The following SPSB1 variants were observed in gnomAD, a reference collection of about 807,000 sequenced individuals.
The protein encoded by SPSB1 is SPRY domain-containing SOCS box protein 1.
SPSB1 carries 8 observed loss-of-function variants against 21.2 expected under a neutral mutation model. The ratio of observed to expected loss-of-function variants is 0.38; its 90% CI spans 0.22 to 0.68. The LOEUF is 0.68. Among genes scored for constraint, SPSB1 ranks in the 30% least tolerant of loss-of-function variants. SPSB1 has a pLI of 0.53. For missense variants in SPSB1, 242 were observed against 377.8 expected (o/e 0.64, Z 2.98); for synonymous variants, 169 against 161.7 (o/e 1.05, Z -0.34).
intron 1 of SPSB1, among the ~76,000 whole-genome samples, chr1:9,316,406 A>G (rs1438069827): frequency 1.3e-5 from 2 of 152,156 alleles, no homozygotes; most frequent in Admixed American, 6.5e-5. Flanking sequence ...ATGTGTGTGC[A>G]TATGTGCTTG....
chr1:9,317,310 G>A lies in SPSB1; in HGVS notation c.-150+24239G>A, dbSNP rs1457279620. On this transcript the variant is annotated intron_variant, in intron 1 of 2. Transcript: ENST00000328089. The surrounding 1 kb of genome is among the most constrained non-coding windows in gnomAD (Gnocchi z 4.3). ...GAATAAATGTCACTGGCGGAAGGTG[G>A]CATGTGTGTGCAAAACCACTGGGAG... Among the ~76,000 whole-genome samples the A allele has an allele frequency of 1.3e-5, 2 of 152,148 alleles. No individual in the cohort carries two copies. The highest frequency in any genetic ancestry group is 2.4e-5 in the African/African-American group (1 of 41,436).
intron 1 of SPSB1, among the ~76,000 whole-genome samples, chr1:9,347,160 GAAAA>G (rs1010324468): frequency 6.6e-6 from 1 of 151,704 alleles, no homozygotes; most frequent in African/African-American, 2.4e-5. Context: ...CTCTTTAAAA[GAAAA>G]AAAAGCGTTT....
chr1:9,334,131 G>A (rs1244184314), intron 1 of SPSB1, among the ~76,000 whole-genome samples: 2 of 152,144 alleles, frequency 1.3e-5, no homozygotes, highest in African/African-American at 4.8e-5. Context: ...TGTTGCCCAG[G>A]CTGGAGTGCG....
chr1:9,334,891 CT>C lies in SPSB1; in HGVS notation c.-149-20851del, dbSNP rs1320429975. On this transcript the variant is annotated intron_variant, in intron 1 of 2. Coordinates refer to ENST00000328089, the MANE Select transcript of SPSB1 (RefSeq NM_025106.4). ...ATCAAAATGTCCTTCCGTGTTAAGG[CT>C]GAGTAATATTTCATCGTGGGGATGG... Among the ~76,000 whole-genome samples the C allele has an allele frequency of 3.3e-5, 5 of 152,358 alleles. No individual in the cohort carries two copies. In the East Asian group the frequency reaches 9.6e-4, roughly 29 times the overall value.
chr1:9,302,479 C>T (rs1639350925), intron 1 of SPSB1, among the ~76,000 whole-genome samples: 1 of 152,188 alleles, frequency 6.6e-6, no homozygotes, highest in Non-Finnish European at 1.5e-5. Flanking sequence ...TGTGGGCAGG[C>T]ACCATCCAGT....
At chr1:9,327,338 T>C (rs537908162) in intron 1 of SPSB1, among the ~76,000 whole-genome samples, 32 of 152,372 alleles carry the variant, frequency 2.1e-4, no homozygotes, top group African/African-American at 7.5e-4. Flanking sequence ...TGCATGGATA[T>C]GTATGTCTTT....
chr1:9,341,219 G>A (rs1640086442), intron 1 of SPSB1, among the ~76,000 whole-genome samples: 1 of 152,236 alleles, frequency 6.6e-6, no homozygotes, highest in South Asian at 2.1e-4. Context: ...CCTCAGAACA[G>A]AGAGGCACGG....
chr1:9,316,834 C>T (rs78152139), intron 1 of SPSB1, among the ~76,000 whole-genome samples: 5,068 of 152,272 alleles, frequency 0.033, 113 homozygotes, highest in Non-Finnish European at 0.047. Flanking sequence ...CTCGGTTCTC[C>T]CTGCTCCTAT....
intron 2 of SPSB1, among the ~76,000 whole-genome samples, chr1:9,365,371 C>T (rs554246674): frequency 1.3e-5 from 2 of 152,308 alleles, no homozygotes; most frequent in East Asian, 3.9e-4. Flanking sequence ...CTGTCCTTGG[C>T]CTCCCAAAGT....
chr1:9,356,169 A>G lies in SPSB1; in HGVS notation c.278A>G (p.Tyr93Cys). The G allele has an allele frequency of 6.3e-7, 1 of 1,585,600 alleles. No individual in the cohort carries two copies. Among genetic ancestry groups the G allele is most frequent in the East Asian group, 2.2e-5 (1 of 44,582 alleles). The change falls in exon 2 of 3, where the codon TAT (tyrosine) becomes TGT (cysteine). Residue 93 changes from tyrosine (Y) to cysteine (C), a missense_variant. Tyr to Cys is a radical substitution (Grantham distance 194). Transcript: ENST00000328089. This position sits in a 1 kb window ranked among gnomAD's most constrained non-coding sequence, Gnocchi z 7.4. ...STDAIRGKVG[Y>C]TRGLHVWQIT... Reference sequence around the variant, plus strand: ...GACGCTATCAGGGGCAAAGTCGGGTATACCCGTGGGCTGCACGTGTGGCAG... The same window carrying G: ...GACGCTATCAGGGGCAAAGTCGGGTGTACCCGTGGGCTGCACGTGTGGCAG...
At position 9,345,762 on chromosome 1, in the gene SPSB1, A is replaced by T. The variant is rs929076908; in HGVS notation, c.-149-9981A>T. On this transcript the variant is annotated intron_variant, in intron 1 of 2. Transcript: ENST00000328089. This position sits in a 1 kb window ranked among gnomAD's most constrained non-coding sequence, Gnocchi z 4.8. ...TTGAGGTCAGGGACTAGAGCTCTGG[A>T]CCGTGTGGGATTTTCTCTCCAAAAT... Among the ~76,000 whole-genome samples the T allele has an allele frequency of 4.6e-5, 7 of 152,100 alleles. No homozygotes were observed. Among genetic ancestry groups the T allele is most frequent in the Admixed American group, 3.9e-4 (6 of 15,276 alleles).
intron 1 of SPSB1, among the ~76,000 whole-genome samples, chr1:9,342,093 C>CT (rs1640100714): frequency 6.6e-6 from 1 of 152,212 alleles, no homozygotes; most frequent in Non-Finnish European, 1.5e-5. Flanking sequence ...TCTAACCTGT[C>CT]TTAGGGGCTT....
intron 2 of SPSB1, among the ~76,000 whole-genome samples, chr1:9,359,281 G>T (rs1356250243): frequency 6.6e-6 from 1 of 152,222 alleles, no homozygotes; most frequent in Non-Finnish European, 1.5e-5. Flanking sequence ...ACATTGGAGG[G>T]TGGGGCACTG....
intron 1 of SPSB1, among the ~76,000 whole-genome samples, chr1:9,335,057 C>T (rs1452045779): frequency 6.6e-6 from 1 of 152,044 alleles, no homozygotes; most frequent in Non-Finnish European, 1.5e-5. Context: ...GAGTGAACAC[C>T]CAGAAGTGGA....
chr1:9,334,000 C>G (rs1366276433), intron 1 of SPSB1, among the ~76,000 whole-genome samples: 1 of 152,228 alleles, frequency 6.6e-6, no homozygotes, highest in Non-Finnish European at 1.5e-5. Context: ...ATCACCTAAT[C>G]TCCATGCCTC....
chr1:9,335,520 G>A (rs932672972), intron 1 of SPSB1, among the ~76,000 whole-genome samples: 5 of 149,084 alleles, frequency 3.4e-5, no homozygotes, highest in South Asian at 2.1e-4. Flanking sequence ...AAAAAAGATC[G>A]TTGTGGGGTC....
At chr1:9,343,001 T>C (rs1172160557) in intron 1 of SPSB1, among the ~76,000 whole-genome samples, 1 of 152,144 alleles carries the variant, frequency 6.6e-6, no homozygotes, top group African/African-American at 2.4e-5. Flanking sequence ...ACCCACCCCC[T>C]GTCCATGTGG....
chr1:9,298,853 C>T (rs186390814), intron 1 of SPSB1, among the ~76,000 whole-genome samples: 6 of 152,338 alleles, frequency 3.9e-5, no homozygotes, highest in African/African-American at 9.6e-5. Context: ...ACACTGGTTC[C>T]CTGCCTTGTG....
intron 1 of SPSB1, among the ~76,000 whole-genome samples, chr1:9,294,937 T>C (rs1277237409): frequency 6.6e-6 from 1 of 152,084 alleles, no homozygotes; most frequent in East Asian, 1.9e-4. Flanking sequence ...TGTCTTACTG[T>C]CTAGGCCAGC....
Sources: gnomAD v4.1 joint callset for allele counts (sites outside exome capture counted in the v4.1 genomes callset) on GRCh38, gnomAD v4.1.1 for gene constraint, Gnocchi (gnomAD v3.1) non-coding constraint, MANE v1.5 for transcripts, NCBI Gene and HGNC (gene_info 2026-07-23, HGNC 2026-07-21) for gene names.